The following CHGA variants were observed in gnomAD, a reference collection of about 807,000 sequenced individuals.
The protein encoded by CHGA is chromogranin-A.
A neutral mutation model predicts 54.4 loss-of-function variants in CHGA; 41 were observed. The observed-to-expected ratio is 0.75, with a 90% CI of 0.59 to 0.98. The LOEUF (loss-of-function observed/expected upper bound fraction) is 0.98. CHGA is among the 50% of genes least tolerant of loss of function. CHGA has a pLI of 0.00. For missense variants in CHGA, 576 were observed against 582.3 expected (o/e 0.99, Z 0.11); for synonymous variants, 249 against 232.8 (o/e 1.07, Z -0.63).
In CHGA at chr14:92,926,691, C is replaced by T; in HGVS notation, c.180C>T (p.Leu60=). ...TCAGCCAGGAATGTTTTGAGACACT[C>T]CGAGGAGGTATGAGCTGGAGGCTAG... ...MPVSQECFET[L]RGDERILSIL... Residue 60 remains leucine (L), a synonymous_variant, in exon 3 of 8, where the codon CTC becomes CTT. Transcript: ENST00000216492. 1 of 1,613,910 alleles carries T rather than the reference C, an allele frequency of 6.2e-7. No homozygotes were observed. The highest frequency in any genetic ancestry group is 8.5e-7 in the Non-Finnish European group (1 of 1,179,962).
chr14:92,932,822 G>T lies in CHGA; in HGVS notation c.1261G>T (p.Glu421Ter). 6.5e-7 allele frequency: 1 copy of T among 1,528,764 alleles called. No individual in the cohort carries two copies. Among genetic ancestry groups the T allele is most frequent in the Non-Finnish European group, 8.8e-7 (1 of 1,136,192 alleles). The allele number at this position is 1,528,764 out of a possible 1,614,324, so 94.7% of individuals were successfully genotyped here. A position where few individuals can be genotyped will look rare whatever the true frequency, so the allele number is the denominator to read the frequency against. Residue 421 changes from glutamate (E) to a stop codon, truncating the protein, a stop_gained, in exon 7 of 8, where the codon GAG becomes TAG. Transcript: ENST00000216492. LOFTEE classifies it high-confidence loss of function. The surrounding 1 kb of genome is among the most constrained non-coding windows in gnomAD (Gnocchi z 5.3). ...AGGCTACCCCGAGGAGAAGAAAGAG[G>T]AGGAGGGCAGCGCAAACCGCAGACC... Reference protein sequence around the residue: ...VRGYPEEKKEEEGSANRRPED... With the variant: ...VRGYPEEKKE
chr14:92,926,099 A>G (rs1416653586), intron 2 of CHGA: 2 of 156,306 alleles, frequency 1.3e-5, no homozygotes, highest in African/African-American at 4.8e-5. Context: ...CGACAACACC[A>G]TGGGTGTTTG....
At chr14:92,928,104 G>T (rs572239971) in intron 4 of CHGA, among the ~76,000 whole-genome samples, 174 of 152,356 alleles carry the variant, frequency 1.1e-3, no homozygotes, top group African/African-American at 4.1e-3. Flanking sequence ...CCCTGCACCT[G>T]CCCCGGCTGA....
rs148025599 is a variant in CHGA at position 92,931,228 on chromosome 14, C to T, written c.356-22C>T. 2.0e-4 allele frequency: 312 copies of T among 1,588,410 alleles called. 2 individuals carry two copies. The East Asian group carries it at 5.2e-3, about 26-fold the overall frequency. On this transcript the variant is annotated intron_variant, in intron 5 of 7. Coordinates refer to ENST00000216492, the MANE Select transcript of CHGA (RefSeq NM_001275.4). ...ACGTGGCCCAGTCCTCAGGGCCTGA[C>T]TTGGCTGTGCTGTGTCTGCAGAGGC...
At position 92,932,470 on chromosome 14, in the gene CHGA, A is replaced by AGAGGAG; in HGVS notation, c.919_924dup (p.Glu307_Glu308dup). Reference sequence around the variant, plus strand: ...GAGAACAGGAGCACTCCCAGCAGAAAGAGGAGGAGGAGGAGATGGCAGTGG... The same window carrying AGAGGAG: ...GAGAACAGGAGCACTCCCAGCAGAAAGAGGAGGAGGAGGAGGAGGAGATGGCAGTGG... On this transcript the variant is annotated inframe_insertion, in exon 7 of 8. Transcript: ENST00000216492. The surrounding 1 kb of genome is among the most constrained non-coding windows in gnomAD (Gnocchi z 5.3). 1.3e-6 allele frequency: 2 copies of AGAGGAG among 1,556,874 alleles called. No homozygotes were observed.
chr14:92,930,318 T>C (rs1357915537), intron 5 of CHGA, among the ~76,000 whole-genome samples: 1 of 152,232 alleles, frequency 6.6e-6, no homozygotes, highest in East Asian at 1.9e-4. Context: ...CTTAGGTCAG[T>C]GCGACACTCT....
intron 2 of CHGA, 90 bp downstream of exon 2, chr14:92,924,335 T>C (rs1886846432): frequency 7.4e-7 from 1 of 1,342,784 alleles, no homozygotes; most frequent in Non-Finnish European, 1.0e-6. Flanking sequence ...AAGTTCGGCA[T>C]AAAGCCAAGA....
At chr14:92,925,925 C>A (rs1242520542) in intron 2 of CHGA, among the ~76,000 whole-genome samples, 1 of 152,156 alleles carries the variant, frequency 6.6e-6, no homozygotes, top group Non-Finnish European at 1.5e-5. Context: ...CCTAATTATC[C>A]ACAGCACCTT....
chr14:92,923,393 T>C lies in CHGA; in HGVS notation c.34T>C (p.Cys12Arg). ...RSAAVLALLL[C>R]AGQVTALPVN... ...CGCCGCTGTCCTGGCTCTTCTGCTC[T>C]GCGCCGGGCAAGGTGAGCGAGCGCG... is the stretch of plus-strand genomic sequence containing the variant. The change falls in exon 1 of 8, where the codon TGC becomes CGC. Residue 12 changes from cysteine to arginine, a missense_variant. Coordinates refer to ENST00000216492, the MANE Select transcript of CHGA (RefSeq NM_001275.4). 1 of 1,270,306 alleles carries C rather than the reference T, an allele frequency of 7.9e-7. No homozygotes were observed. The highest frequency in any genetic ancestry group is 9.9e-7 in the Non-Finnish European group (1 of 1,010,476). 78.7% of individuals were successfully genotyped at this position (1,270,306 alleles called of 1,614,324 possible).
At position 92,932,644 on chromosome 14, in the gene CHGA, G is replaced by A; in HGVS notation, c.1083G>A (p.Gln361=). The A allele has an allele frequency of 6.3e-7, 1 of 1,583,750 alleles. No homozygotes were observed. Among genetic ancestry groups the A allele is most frequent in the Middle Eastern group, 1.7e-4 (1 of 5,952 alleles). The change falls in exon 7 of 8, where the codon CAG becomes CAA. Residue 361 remains glutamine, a synonymous_variant. Coordinates refer to ENST00000216492, the MANE Select transcript of CHGA (RefSeq NM_001275.4). This position sits in a 1 kb window ranked among gnomAD's most constrained non-coding sequence, Gnocchi z 5.3. The part of the protein sequence containing the change: ...ELTAEKRLEG[Q]EEEEDNRDSS... ...CGGCTGAGAAGCGGCTGGAGGGGCAGGAGGAGGAGGAGGACAACCGGGACA... is the reference window on the plus strand; with the variant it reads ...CGGCTGAGAAGCGGCTGGAGGGGCAAGAGGAGGAGGAGGACAACCGGGACA...
chr14:92,933,744 T>C (rs1595063121), intron 7 of CHGA, among the ~76,000 whole-genome samples: 1 of 152,170 alleles, frequency 6.6e-6, no homozygotes, highest in East Asian at 1.9e-4. Flanking sequence ...TTGGCAGCTG[T>C]AGCGGGAGAG....
At position 92,934,808 on chromosome 14, in the gene CHGA, A is replaced by G; in HGVS notation, c.1298A>G (p.Glu433Gly). The change falls in exon 8 of 8, where the codon GAG becomes GGG. Residue 433 changes from glutamate to glycine, a missense_variant. Physicochemically the swap from Glu to Gly is moderately conservative, Grantham distance 98. Transcript: ENST00000216492. Reference sequence around the variant, plus strand: ...CCCCAATGTCTCTCCTAGGACCAGGAGCTGGAGAGCCTGTCGGCCATTGAA... The same window carrying G: ...CCCCAATGTCTCTCCTAGGACCAGGGGCTGGAGAGCCTGTCGGCCATTGAA... ...GSANRRPEDQ[E>G]LESLSAIEAE... The G allele has an allele frequency of 3.8e-6, 6 of 1,582,432 alleles. No individual in the cohort carries two copies. Among genetic ancestry groups the G allele is most frequent in the Middle Eastern group, 3.3e-4 (2 of 6,006 alleles).
intron 7 of CHGA, among the ~76,000 whole-genome samples, chr14:92,933,608 C>T (rs1356904337): frequency 6.6e-6 from 1 of 152,122 alleles, no homozygotes; most frequent in African/African-American, 2.4e-5. Context: ...TGTGGGAAGG[C>T]TGACACCTGT....
Position 92,931,326 on chromosome 14 carries a change from A to C in CHGA, c.432A>C (p.Glu144Asp), listed in dbSNP as rs1156275782. 2 of 1,613,746 alleles carry C rather than the reference A, an allele frequency of 1.2e-6. No homozygotes were observed. Among genetic ancestry groups the C allele is most frequent in the Admixed American group, 3.3e-5 (2 of 60,022 alleles). The change falls in exon 6 of 8, where the codon GAA becomes GAC. Residue 144 changes from glutamate to aspartate, a missense_variant. Coordinates refer to ENST00000216492, the MANE Select transcript of CHGA (RefSeq NM_001275.4). ...CCAAGGAGGCAGAGAAAAGTGGTGA[A>C]GCCACAGACGGAGCCAGGCCCCAGG... Reference protein sequence around the residue: ...EDSKEAEKSGEATDGARPQAL... With the variant: ...EDSKEAEKSGDATDGARPQAL...
rs144934950 is a variant in CHGA, at chr14:92,928,025, C to A, written c.256+407C>A. On this transcript the variant is annotated intron_variant, in intron 4 of 7. Transcript: ENST00000216492. ...CCCACAGTTAGCCTCTATGCCCAGC[C>A]CCCCAGCTCCTTCCAGGCTTGATGC... is the stretch of plus-strand genomic sequence containing the variant. 2.8e-3 allele frequency among the ~76,000 whole-genome samples: 424 copies of A among 152,358 alleles called. 3 individuals carry two copies. The highest frequency in any genetic ancestry group is 9.2e-3 in the African/African-American group (383 of 41,574).
intron 5 of CHGA, among the ~76,000 whole-genome samples, chr14:92,930,432 C>A (rs551193647): frequency 1.2e-3 from 185 of 152,330 alleles, no homozygotes; most frequent in African/African-American, 4.4e-3. Context: ...GAGCTGGATC[C>A]TGGTGTCTCC....
chr14:92,930,755 G>A (rs1886977925), intron 5 of CHGA, among the ~76,000 whole-genome samples: 2 of 152,148 alleles, frequency 1.3e-5, no homozygotes, highest in Non-Finnish European at 2.9e-5. Flanking sequence ...AATGACGGGA[G>A]GAATTTTCAC....
chr14:92,926,747 G>A lies in CHGA; in HGVS notation c.187+49G>A, dbSNP rs202015853. 4.7e-6 allele frequency: 7 copies of A among 1,498,922 alleles called. No individual in the cohort carries two copies. In the East Asian group the frequency reaches 9.0e-5, roughly 19 times the overall value. 92.9% of individuals were successfully genotyped at this position (1,498,922 alleles called of 1,614,324 possible). On this transcript the variant is annotated intron_variant, in intron 3 of 7. Coordinates refer to ENST00000216492, the MANE Select transcript of CHGA (RefSeq NM_001275.4). ...AGGGCTGCTGCCTGCTGGGCTGGGA[G>A]GCTAGGACATGGGTGTGTGGCTTTT...
intron 4 of CHGA, among the ~76,000 whole-genome samples, chr14:92,928,710 A>C (rs1254921963): frequency 6.6e-6 from 1 of 152,232 alleles, no homozygotes; most frequent in African/African-American, 2.4e-5. Flanking sequence ...GTCCTGAAAC[A>C]TCTCTATTCA....
Sources: gnomAD v4.1 joint callset for allele counts (sites outside exome capture counted in the v4.1 genomes callset) on GRCh38, gnomAD v4.1.1 for gene constraint, Gnocchi (gnomAD v3.1) non-coding constraint, MANE v1.5 for transcripts, NCBI Gene and HGNC (gene_info 2026-07-23, HGNC 2026-07-21) for gene names.